KIAA0825: variants seen among roughly 807,000 people sequenced by gnomAD.
The protein encoded by KIAA0825 is KIAA0825, also known as uncharacterized protein KIAA0825.
Under a neutral mutation model 147.6 loss-of-function variants are expected in KIAA0825, and 119 were observed. The ratio of observed to expected loss-of-function variants is 0.81; its 90% confidence interval spans 0.69 to 0.94. The LOEUF (loss-of-function observed/expected upper bound fraction) is 0.94. Ranked by LOEUF, KIAA0825 falls within the 40% of genes least tolerant of loss-of-function variation. The pLI is 0.00. For missense variants in KIAA0825, 1,381 were observed against 1,472.7 expected, an observed-to-expected ratio of 0.94 and a Z score of 1.02; for synonymous variants, 470 against 518.1, an observed-to-expected ratio of 0.91 and a Z score of 1.26.
intron 20 of KIAA0825, among the ~76,000 whole-genome samples, chr5:94,358,128 A>G (rs1681609767): frequency 6.6e-6 from 1 of 152,218 alleles, no homozygotes; most frequent in Admixed American, 6.5e-5. Context: ...GTGGCATTTT[A>G]AAGTCTTGTT....
At chr5:94,226,924 T>C (rs967961995) in intron 20 of KIAA0825, among the ~76,000 whole-genome samples, 2 of 152,122 alleles carry the variant, frequency 1.3e-5, no homozygotes, top group Admixed American at 6.5e-5. Context: ...GGTGGAGGAA[T>C]AGGAACACTT....
chr5:94,532,942 A>T (rs1471650250), intron 3 of KIAA0825, among the ~76,000 whole-genome samples: 1 of 151,130 alleles, frequency 6.6e-6, no homozygotes, highest in Non-Finnish European at 1.5e-5. Flanking sequence ...AATTATATTT[A>T]TCCAACTGAA....
intron 3 of KIAA0825, among the ~76,000 whole-genome samples, chr5:94,532,799 T>A (rs1229089041): frequency 6.8e-6 from 1 of 147,652 alleles, no homozygotes. Context: ...CCTCCCCAAG[T>A]ATTGAGATTA....
At chr5:94,439,865 T>C in intron 14 of KIAA0825, 117 bp downstream of exon 14, 2 of 1,064,222 alleles carry the variant, frequency 1.9e-6, no homozygotes, top group Non-Finnish European at 2.7e-6. Context: ...CAGCTGAATG[T>C]TGATACATGC....
intron 1 of KIAA0825, chr5:94,594,608 A>C (rs1231093689): frequency 5.9e-6 from 4 of 673,132 alleles, no homozygotes; most frequent in Admixed American, 2.3e-5. Context: ...TGGATTCAAA[A>C]GCATTTTGTA....
chr5:94,178,857 A>G (rs1769346059), intron 20 of KIAA0825, among the ~76,000 whole-genome samples: 1 of 152,144 alleles, frequency 6.6e-6, no homozygotes, highest in South Asian at 2.1e-4. Flanking sequence ...AAATATGTGA[A>G]TGTTTATAAG....
intron 20 of KIAA0825, among the ~76,000 whole-genome samples, chr5:94,359,640 C>A (rs1376442164): frequency 6.6e-6 from 1 of 152,102 alleles, no homozygotes. Context: ...TGTGCTGGAC[C>A]ATGAGGCAGA....
Position 94,417,197 on chromosome 5 carries a change from A to C in KIAA0825, c.2662+4T>G, listed in dbSNP as rs1427899397. 6 of 1,549,854 alleles carry C rather than the reference A, an allele frequency of 3.9e-6. No individual in the cohort carries two copies. The highest frequency in any genetic ancestry group is 4.4e-6 in the Non-Finnish European group (5 of 1,145,780). On this transcript the variant is annotated splice_donor_region_variant and intron_variant, in intron 15 of 20. Coordinates refer to ENST00000682413, the MANE Select transcript of KIAA0825 (RefSeq NM_001145678.3). ...TTCTTTTACAAACAGTAAATGTCTC[A>C]TACCTGGGATGTTATATAAAAAGTC...
chr5:94,601,799 GA>G (rs1786507287), intron 1 of KIAA0825, among the ~76,000 whole-genome samples: 1 of 152,084 alleles, frequency 6.6e-6, no homozygotes, highest in Non-Finnish European at 1.5e-5. Flanking sequence ...CTCAGAACTT[GA>G]AAACTGTCTT....
intron 20 of KIAA0825, among the ~76,000 whole-genome samples, chr5:94,310,201 T>G (rs928109182): frequency 1.3e-5 from 2 of 151,680 alleles, no homozygotes; most frequent in Non-Finnish European, 3.0e-5. Flanking sequence ...CTCTATTTCT[T>G]GTTATTCTCA....
chr5:94,593,520 CTT>C, intron 1 of KIAA0825: 1 of 614,552 alleles, frequency 1.6e-6, no homozygotes, highest in Non-Finnish European at 3.0e-6. Flanking sequence ...TATTAGAAAG[CTT>C]TGTAAAGTTT....
intron 1 of KIAA0825, among the ~76,000 whole-genome samples, chr5:94,604,560 AAAAC>A (rs368530098): frequency 0.083 from 12,547 of 151,914 alleles, 561 homozygotes; most frequent in South Asian, 0.13. Flanking sequence ...CTCCATCTCA[AAAAC>A]AAACAAACAA....
chr5:94,544,887 A>G (rs1774031668), intron 2 of KIAA0825, among the ~76,000 whole-genome samples: 1 of 152,196 alleles, frequency 6.6e-6, no homozygotes, highest in Non-Finnish European at 1.5e-5. Flanking sequence ...GCAGTGTTAT[A>G]AGAGCCAAAA....
intron 20 of KIAA0825, among the ~76,000 whole-genome samples, chr5:94,193,924 T>G (rs989646421): frequency 5.3e-5 from 8 of 152,194 alleles, no homozygotes; most frequent in Admixed American, 1.3e-4. Flanking sequence ...GATAACTGTT[T>G]GTCCTGCTGA....
At chr5:94,259,042 G>A (rs978568281) in intron 20 of KIAA0825, among the ~76,000 whole-genome samples, 1 of 151,960 alleles carries the variant, frequency 6.6e-6, no homozygotes, top group African/African-American at 2.4e-5. Flanking sequence ...AAAGTATGCA[G>A]ATTAACTTTT....
At chr5:94,523,417 C>A (rs1240462985) in intron 4 of KIAA0825, among the ~76,000 whole-genome samples, 1 of 151,574 alleles carries the variant, frequency 6.6e-6, no homozygotes, top group Non-Finnish European at 1.5e-5. Context: ...CATAATAATT[C>A]TCTGTCATTT....
intron 14 of KIAA0825, among the ~76,000 whole-genome samples, chr5:94,434,167 T>C (rs1239433014): frequency 3.3e-5 from 5 of 152,248 alleles, no homozygotes; most frequent in Non-Finnish European, 7.3e-5. Context: ...AACTGAACTG[T>C]ACTCAGTGTT....
chr5:94,214,237 C>G lies in KIAA0825; in HGVS notation c.3711-60113G>C, dbSNP rs924273304. ...CAGAAAATGTTTCCTATATTTTTCC[C>G]TGCAATTAGTGTGCTGCATGGAAAA... On this transcript the variant is annotated intron_variant, in intron 20 of 20. Coordinates refer to ENST00000682413, the MANE Select transcript of KIAA0825 (RefSeq NM_001145678.3). Among the ~76,000 whole-genome samples the G allele has an allele frequency of 2.0e-5, 3 of 152,046 alleles. No individual in the cohort carries two copies. In the South Asian group the frequency reaches 6.2e-4, roughly 32 times the overall value.
At chr5:94,330,253 A>G (rs1181434138) in intron 20 of KIAA0825, among the ~76,000 whole-genome samples, 1 of 152,240 alleles carries the variant, frequency 6.6e-6, no homozygotes, top group Non-Finnish European at 1.5e-5. Flanking sequence ...TATTTATAGA[A>G]CAGGTCTCCC....
Sources: allele counts gnomAD v4.1 joint callset (sites outside exome capture counted in the v4.1 genomes callset), GRCh38; gene constraint gnomAD v4.1.1; transcripts MANE v1.5; gene names NCBI Gene and HGNC (gene_info 2026-07-23, HGNC 2026-07-21).